Variants in PAFAH1B1 observed in about 807,000 individuals in gnomAD.
PAFAH1B1 encodes the protein platelet-activating factor acetylhydrolase IB subunit beta.
In PAFAH1B1, 2 loss-of-function variants were observed where a neutral mutation model predicts 57.5. The ratio of observed to expected loss-of-function variants is 0.03; its 90% CI spans 0.01 to 0.11. PAFAH1B1 has a LOEUF of 0.11. Among genes scored for constraint, PAFAH1B1 ranks in the 10% least tolerant of loss-of-function variants. The pLI is 1.00. For missense variants in PAFAH1B1, 257 were observed against 512.0 expected, an observed-to-expected ratio of 0.50 and a Z score of 4.81; for synonymous variants, 152 against 169.6, an observed-to-expected ratio of 0.90 and a Z score of 0.81.
chr17:2,609,257 GC>G (rs1365103669), intron 1 of PAFAH1B1, among the ~76,000 whole-genome samples: 7 of 152,096 alleles, frequency 4.6e-5, no homozygotes, highest in Non-Finnish European at 1.0e-4. Flanking sequence ...TGATCCCCCT[GC>G]CTCGGCCTGC....
At chr17:2,622,431 A>G (rs1454046360) in intron 1 of PAFAH1B1, among the ~76,000 whole-genome samples, 1 of 152,178 alleles carries the variant, frequency 6.6e-6, no homozygotes, top group Non-Finnish European at 1.5e-5. Context: ...GCTAAAACAA[A>G]GGGGTTACAG....
intron 1 of PAFAH1B1, among the ~76,000 whole-genome samples, chr17:2,635,011 A>G (rs2068603872): frequency 6.6e-6 from 1 of 152,078 alleles, no homozygotes; most frequent in Admixed American, 6.6e-5. Flanking sequence ...AAAAATACAA[A>G]AAGTAGCCAG....
chr17:2,683,993 C>A lies in PAFAH1B1; in HGVS notation c.*2191C>A, dbSNP rs546201065. On this transcript the variant is annotated 3_prime_UTR_variant, in exon 11 of 11. Transcript: ENST00000397195. ...ACAATAAAGGAGAATGGTACCGATG[C>A]AGGAGGAAGCAAGCGTGTCTTCCCC... 7 of 152,608 alleles carry A rather than the reference C, an allele frequency of 4.6e-5. No homozygotes were observed. Among genetic ancestry groups the A allele is most frequent in the African/African-American group, 1.7e-4 (7 of 41,436 alleles). The allele number at this position is 152,608 out of a possible 1,614,324, so 9.5% of individuals were successfully genotyped here.
At chr17:2,634,700 A>G (rs942697955) in intron 1 of PAFAH1B1, among the ~76,000 whole-genome samples, 8 of 151,544 alleles carry the variant, frequency 5.3e-5, no homozygotes, top group Admixed American at 3.3e-4. Context: ...ATGGCTCCCT[A>G]TTGGCCCTGG....
intron 2 of PAFAH1B1, among the ~76,000 whole-genome samples, chr17:2,664,686 CTCTCTCTT>C (rs369922521): frequency 0.18 from 22,273 of 126,138 alleles, 2,107 homozygotes; most frequent in Non-Finnish European, 0.25. Context: ...CTCTCTCTCT[CTCTCTCTT>C]TCTCTCTCCA....
intron 2 of PAFAH1B1, among the ~76,000 whole-genome samples, chr17:2,651,668 CTTAAA>C (rs66463672): frequency 0.29 from 44,301 of 151,362 alleles, 6,585 homozygotes; most frequent in Middle Eastern, 0.37. Context: ...CCTTGCTTCT[CTTAAA>C]TTATTTTCCC....
rs1252507743 is a variant in PAFAH1B1 at position 2,670,473 on chromosome 17, C to A, written c.568+142C>A. 4.9e-6 allele frequency: 4 copies of A among 812,212 alleles called. No individual in the cohort carries two copies. In the African/African-American group the frequency reaches 5.1e-5, roughly 10 times the overall value. The allele number at this position is 812,212 out of a possible 1,614,324, so 50.3% of individuals were successfully genotyped here. A position where few individuals can be genotyped will look rare whatever the true frequency, so the allele number is the denominator to read the frequency against. ...GGAAGAGCATACCATGTAGATAGTCCAGGGATAAGCCACAGTAGTTGAGAG... is the reference window on the plus strand; with the variant it reads ...GGAAGAGCATACCATGTAGATAGTCAAGGGATAAGCCACAGTAGTTGAGAG... On this transcript the variant is annotated intron_variant, in intron 6 of 10. Transcript: ENST00000397195.
chr17:2,657,973 A>T (rs957109373), intron 2 of PAFAH1B1, among the ~76,000 whole-genome samples: 1 of 152,222 alleles, frequency 6.6e-6, no homozygotes, highest in Non-Finnish European at 1.5e-5. Flanking sequence ...TGTATTGTGT[A>T]TCTTTCCTAT....
At chr17:2,626,321 C>T (rs962100366) in intron 1 of PAFAH1B1, among the ~76,000 whole-genome samples, 1 of 151,796 alleles carries the variant, frequency 6.6e-6, no homozygotes, top group Non-Finnish European at 1.5e-5. Flanking sequence ...TAAAAGGCAA[C>T]TGGAAAGGTA....
At chr17:2,615,110 C>G (rs2068321695) in intron 1 of PAFAH1B1, among the ~76,000 whole-genome samples, 1 of 152,082 alleles carries the variant, frequency 6.6e-6, no homozygotes, top group South Asian at 2.1e-4. Flanking sequence ...TGTCATTATT[C>G]CCTGAACAAT....
chr17:2,633,971 T>TC (rs1166777566), intron 1 of PAFAH1B1, among the ~76,000 whole-genome samples: 2 of 151,038 alleles, frequency 1.3e-5, no homozygotes, highest in Non-Finnish European at 3.0e-5. Context: ...CTTTTTTTTT[T>TC]TTTTTTTTTT....
intron 1 of PAFAH1B1, among the ~76,000 whole-genome samples, chr17:2,607,377 A>G (rs1388908800): frequency 2.0e-5 from 3 of 151,026 alleles, no homozygotes; most frequent in Non-Finnish European, 4.4e-5. Context: ...GGGTTTCACC[A>G]TGTTGGCCAG....
At chr17:2,612,210 C>CTTT (rs529559637) in intron 1 of PAFAH1B1, among the ~76,000 whole-genome samples, 3 of 130,590 alleles carry the variant, frequency 2.3e-5, no homozygotes, top group Admixed American at 7.6e-5. Flanking sequence ...GAAAATGGCA[C>CTTT]TTTTTTTTTT....
Position 2,681,623 on chromosome 17 carries a change from G to A in PAFAH1B1, c.1160-106G>A, listed in dbSNP as rs530284975. 1.5e-4 allele frequency: 126 copies of A among 847,980 alleles called. 2 individuals carry two copies. The South Asian group carries it at 1.6e-3, about 11-fold the overall frequency. The allele number at this position is 847,980 out of a possible 1,614,324, so 52.5% of individuals were successfully genotyped here. On this transcript the variant is annotated intron_variant, in intron 10 of 10. Coordinates refer to ENST00000397195, the MANE Select transcript of PAFAH1B1 (RefSeq NM_000430.4). ...ACTACAGGCACACACTACCATGCCC[G>A]GCTAATTTTTTTTTTAATTTTGTAT... is the stretch of plus-strand genomic sequence containing the variant.
In PAFAH1B1 at chr17:2,677,078, G is replaced by A. The variant is rs546202554; in HGVS notation, c.1002+472G>A. Reference sequence around the variant, plus strand: ...TGAGGCAGGAGAATGGCGTGAACCCGGGAGGTGGAGCTTGCAGTGAGCCGA... The same window carrying A: ...TGAGGCAGGAGAATGGCGTGAACCCAGGAGGTGGAGCTTGCAGTGAGCCGA... On this transcript the variant is annotated intron_variant, in intron 9 of 10. Coordinates refer to ENST00000397195, the MANE Select transcript of PAFAH1B1 (RefSeq NM_000430.4). Among the ~76,000 whole-genome samples the A allele has an allele frequency of 8.5e-5, 13 of 152,242 alleles. No individual in the cohort carries two copies. In the East Asian group the frequency reaches 1.2e-3, roughly 14 times the overall value.
chr17:2,668,901 G>A (rs1205943112), intron 5 of PAFAH1B1, among the ~76,000 whole-genome samples: 1 of 151,516 alleles, frequency 6.6e-6, no homozygotes, highest in Non-Finnish European at 1.5e-5. Context: ...GCGTGAACCC[G>A]GGAGGCGGAG....
At chr17:2,672,893 C>T (rs2069203003) in intron 7 of PAFAH1B1, 136 bp downstream of exon 7, 1 of 682,686 alleles carries the variant, frequency 1.5e-6, no homozygotes, top group Admixed American at 2.1e-5. Flanking sequence ...CATGATGAAA[C>T]CCCATCTCTA....
At chr17:2,599,971 CTT>C (rs34442256) in intron 1 of PAFAH1B1, among the ~76,000 whole-genome samples, 207 of 82,768 alleles carry the variant, frequency 2.5e-3, no homozygotes, top group Middle Eastern at 0.018. Context: ...CATTTTTAAC[CTT>C]TTTTTTTTTT....
intron 1 of PAFAH1B1, among the ~76,000 whole-genome samples, chr17:2,601,305 T>C (rs530403934): frequency 1.8e-4 from 27 of 151,786 alleles, no homozygotes; most frequent in African/African-American, 6.5e-4. Context: ...CAGTGAAGTT[T>C]TTTGTATTTT....
Sources: gnomAD v4.1 joint callset for allele counts (sites outside exome capture counted in the v4.1 genomes callset) on GRCh38, gnomAD v4.1.1 for gene constraint, MANE v1.5 for transcripts, NCBI Gene and HGNC (gene_info 2026-07-23, HGNC 2026-07-21) for gene names.